FBN2: variants seen among roughly 807,000 people sequenced by gnomAD.
FBN2 encodes fibrillin-2.
Under a neutral mutation model 355.6 loss-of-function variants are expected in FBN2, and 105 were observed. That is an observed-to-expected ratio of 0.30 (90% confidence interval 0.25 to 0.35). The LOEUF (loss-of-function observed/expected upper bound fraction) is 0.35, where lower values mean the gene tolerates loss of function less well. Ranked by LOEUF, FBN2 falls within the 10% of genes least tolerant of loss-of-function variation. FBN2 has a pLI of 1.00. For synonymous variants in FBN2, 1,350 were observed against 1,301.2 expected, an observed-to-expected ratio of 1.04 and a Z score of -0.81; for missense variants, 3,280 against 3,758.7, an observed-to-expected ratio of 0.87 and a Z score of 3.33.
chr5:128,501,866 T>C (rs1755824698), intron 5 of FBN2, among the ~76,000 whole-genome samples: 1 of 151,582 alleles, frequency 6.6e-6, no homozygotes, highest in Admixed American at 6.6e-5. Flanking sequence ...AGATCAAAAG[T>C]CTAAAAAAAG....
intron 15 of FBN2, among the ~76,000 whole-genome samples, chr5:128,374,361 C>T (rs930533039): frequency 1.3e-5 from 2 of 152,120 alleles, no homozygotes; most frequent in African/African-American, 2.4e-5. Context: ...CCCCATTCTC[C>T]CACCACCCCC....
At chr5:128,267,848 C>T (rs1241099255) in intron 62 of FBN2, among the ~76,000 whole-genome samples, 3 of 152,136 alleles carry the variant, frequency 2.0e-5, no homozygotes, top group Admixed American at 2.0e-4. Flanking sequence ...AACAAACAGA[C>T]AACGTACCAG....
intron 6 of FBN2, among the ~76,000 whole-genome samples, chr5:128,462,027 T>C (rs1431222042): frequency 6.6e-6 from 1 of 152,182 alleles, no homozygotes; most frequent in Non-Finnish European, 1.5e-5. Context: ...GCTTAATTCT[T>C]TAAGTATTAT....
chr5:128,444,054 C>CTTTTTTTTTTTTTTTTTTT (rs35768962), intron 7 of FBN2, among the ~76,000 whole-genome samples: 1 of 65,624 alleles, frequency 1.5e-5, no homozygotes, highest in African/African-American at 6.2e-5. Context: ...ATCACTTGTT[C>CTTTTTTTTTTTTTTTTTTT]TTTTTTTTTT....
chr5:128,332,356 TTCCC>T (rs766293097), intron 32 of FBN2, among the ~76,000 whole-genome samples: 2 of 152,202 alleles, frequency 1.3e-5, no homozygotes, highest in Non-Finnish European at 2.9e-5. Context: ...TTCTAGTCCC[TTCCC>T]TCTCAGATAT....
At chr5:128,384,562 G>A (rs1031867658) in intron 11 of FBN2, among the ~76,000 whole-genome samples, 1 of 152,020 alleles carries the variant, frequency 6.6e-6, no homozygotes, top group African/African-American at 2.4e-5. Context: ...AGACTTTTAG[G>A]AGTCATGAAC....
At chr5:128,449,189 A>G (rs1329349335) in intron 6 of FBN2, among the ~76,000 whole-genome samples, 2 of 150,912 alleles carry the variant, frequency 1.3e-5, no homozygotes, top group Non-Finnish European at 3.0e-5. Flanking sequence ...GTTATAACAC[A>G]TAGAAGTAAA....
rs1240600977 is a variant in FBN2, at chr5:128,303,181, T to TA, written c.5801-93dup. ...TATATGTTTAACTTATGGAATTACTTAGATTTTCCTCATTCAGTACTAGAA... is the reference window on the plus strand; with the variant it reads ...TATATGTTTAACTTATGGAATTACTTAAGATTTTCCTCATTCAGTACTAGAA... On this transcript the variant is annotated intron_variant, in intron 45 of 64. Coordinates refer to ENST00000262464, the MANE Select transcript of FBN2 (RefSeq NM_001999.4). The TA allele has an allele frequency of 1.3e-4, 100 of 784,136 alleles. No homozygotes were observed. The African/African-American group carries it at 1.5e-3, about 12-fold the overall frequency. 48.6% of individuals were successfully genotyped at this position (784,136 alleles called of 1,614,324 possible).
chr5:128,477,075 T>A (rs975053461), intron 5 of FBN2, among the ~76,000 whole-genome samples: 12 of 152,366 alleles, frequency 7.9e-5, no homozygotes, highest in African/African-American at 1.7e-4. Context: ...TGGGTTTTTT[T>A]AAATCATGTA....
chr5:128,377,616 G>T, intron 13 of FBN2, 136 bp downstream of exon 13: 1 of 909,166 alleles, frequency 1.1e-6, no homozygotes. Flanking sequence ...TATATTAAAT[G>T]CATTTGCATT....
chr5:128,338,514 A>T (rs1335069946), intron 26 of FBN2, among the ~76,000 whole-genome samples: 1 of 152,190 alleles, frequency 6.6e-6, no homozygotes, highest in Non-Finnish European at 1.5e-5. Context: ...CTTATATCAT[A>T]CTGAAAATTA....
intron 34 of FBN2, among the ~76,000 whole-genome samples, chr5:128,323,863 G>T (rs1399136267): frequency 6.6e-6 from 1 of 152,184 alleles, no homozygotes; most frequent in African/African-American, 2.4e-5. Flanking sequence ...CAGAAGGAAT[G>T]GTACCAGCTC....
chr5:128,465,151 G>A (rs978006305), intron 5 of FBN2, among the ~76,000 whole-genome samples: 1 of 152,220 alleles, frequency 6.6e-6, no homozygotes, highest in Admixed American at 6.5e-5. Flanking sequence ...TCAGGGCTGT[G>A]TCTGGGATAC....
intron 7 of FBN2, among the ~76,000 whole-genome samples, chr5:128,436,002 T>C (rs1753759643): frequency 6.6e-6 from 1 of 152,176 alleles, no homozygotes; most frequent in Non-Finnish European, 1.5e-5. Flanking sequence ...AACAGTTTTG[T>C]TTAGGTTGAA....
chr5:128,536,956 A>G (rs1266328228), intron 1 of FBN2, among the ~76,000 whole-genome samples: 2 of 151,946 alleles, frequency 1.3e-5, no homozygotes, highest in African/African-American at 4.8e-5. Context: ...CACGTCCTCA[A>G]ACAAAAGGCT....
chr5:128,352,088 T>C (rs1751382752), intron 20 of FBN2, among the ~76,000 whole-genome samples: 1 of 152,172 alleles, frequency 6.6e-6, no homozygotes, highest in South Asian at 2.1e-4. Flanking sequence ...AGATAATTAT[T>C]TGATGAATAA....
intron 4 of FBN2, among the ~76,000 whole-genome samples, chr5:128,521,967 T>C (rs913573948): frequency 6.6e-6 from 1 of 152,206 alleles, no homozygotes; most frequent in Non-Finnish European, 1.5e-5. Flanking sequence ...TTATTGTTTA[T>C]AAAAAATATT....
At chr5:128,432,414 C>T (rs1341444064) in intron 7 of FBN2, among the ~76,000 whole-genome samples, 4 of 152,174 alleles carry the variant, frequency 2.6e-5, no homozygotes, top group Non-Finnish European at 5.9e-5. Flanking sequence ...TGGCAAACTA[C>T]AGCCCACAGC....
At chr5:128,298,720 T>C (rs1749612783) in intron 48 of FBN2, among the ~76,000 whole-genome samples, 1 of 152,344 alleles carries the variant, frequency 6.6e-6, no homozygotes, top group Admixed American at 6.5e-5. Flanking sequence ...GTATTGGTTA[T>C]TCTAGTTATA....
Sources: gnomAD v4.1 joint callset for allele counts (sites outside exome capture counted in the v4.1 genomes callset) on GRCh38, gnomAD v4.1.1 for gene constraint, MANE v1.5 for transcripts, NCBI Gene and HGNC (gene_info 2026-07-23, HGNC 2026-07-21) for gene names.